Variants in USP34 observed in about 807,000 individuals in gnomAD.
USP34 encodes ubiquitin specific peptidase 34.
Under a neutral mutation model 460.3 loss-of-function variants are expected in USP34, and 70 were observed. The ratio of observed to expected loss-of-function variants is 0.15; its 90% confidence interval spans 0.13 to 0.19. The LOEUF is 0.19. USP34 is among the 10% of genes least tolerant of loss of function. USP34 has a pLI of 1.00. For synonymous variants in USP34, 1,647 were observed against 1,405.3 expected, an observed-to-expected ratio of 1.17 and a Z score of -3.85; for missense variants, 3,985 against 4,236.2, an observed-to-expected ratio of 0.94 and a Z score of 1.65.
chr2:61,251,095 G>T (rs1036498368), intron 48 of USP34, among the ~76,000 whole-genome samples: 4 of 152,084 alleles, frequency 2.6e-5, no homozygotes, highest in Admixed American at 2.6e-4. Context: ...CCAAGATTGT[G>T]CCACTGCACT....
intron 44 of USP34, among the ~76,000 whole-genome samples, chr2:61,257,803 A>G (rs761756716): frequency 6.6e-6 from 1 of 152,204 alleles, no homozygotes; most frequent in Non-Finnish European, 1.5e-5. Context: ...GCTACTCAGG[A>G]GGCAGAGGTT....
intron 66 of USP34, 63 bp from the exon 67 acceptor site, chr2:61,220,520 CT>C: frequency 4.8e-6 from 7 of 1,456,946 alleles, no homozygotes; most frequent in East Asian, 2.5e-5. Flanking sequence ...CTTTTACTTA[CT>C]TTTTGTATAT....
chr2:61,467,064 G>C (rs1371034589), intron 1 of USP34, among the ~76,000 whole-genome samples: 1 of 152,032 alleles, frequency 6.6e-6, no homozygotes, highest in Non-Finnish European at 1.5e-5. Flanking sequence ...CTAGCATTTT[G>C]GGAGACGGAA....
At chr2:61,375,014 A>C (rs1692749480) in intron 8 of USP34, among the ~76,000 whole-genome samples, 1 of 152,216 alleles carries the variant, frequency 6.6e-6, no homozygotes, top group African/African-American at 2.4e-5. Context: ...CAGAATGTAC[A>C]GTCTTCTTAG....
chr2:61,245,883 G>A (rs1190343221), intron 50 of USP34, among the ~76,000 whole-genome samples: 4 of 152,148 alleles, frequency 2.6e-5, no homozygotes, highest in African/African-American at 9.7e-5. Flanking sequence ...AGGTACTGGG[G>A]ACTGGTTTAA....
At chr2:61,221,435 G>T in intron 66 of USP34, 67 bp downstream of exon 66, 1 of 1,389,906 alleles carries the variant, frequency 7.2e-7, no homozygotes. Flanking sequence ...TAAAATGGTA[G>T]TGACTATATT....
chr2:61,440,988 C>T (rs1694948790), intron 1 of USP34, among the ~76,000 whole-genome samples: 2 of 151,632 alleles, frequency 1.3e-5, no homozygotes, highest in Non-Finnish European at 2.9e-5. Context: ...ATTAGCTGGG[C>T]GTGATGGCAG....
At position 61,231,266 on chromosome 2, in the gene USP34, T is replaced by C. The variant is rs80233029; in HGVS notation, c.7113+1186A>G. Among the ~76,000 whole-genome samples the C allele has an allele frequency of 5.9e-3, 892 of 152,064 alleles. 2 individuals carry two copies. The highest frequency in any genetic ancestry group is 9.8e-3 in the Non-Finnish European group (666 of 67,968). On this transcript the variant is annotated intron_variant, in intron 58 of 79. Transcript: ENST00000398571. Reference sequence around the variant, plus strand: ...GAGGACAGGATGAAATAGGAACTGATTGCTAATGGGTATAGGGTTTTTTTT... The same window carrying C: ...GAGGACAGGATGAAATAGGAACTGACTGCTAATGGGTATAGGGTTTTTTTT...
intron 10 of USP34, among the ~76,000 whole-genome samples, chr2:61,363,384 T>A (rs1692330535): frequency 6.6e-6 from 1 of 152,164 alleles, no homozygotes; most frequent in Non-Finnish European, 1.5e-5. Context: ...GGCTTCAGGA[T>A]AGGGATACGT....
chr2:61,219,105 T>A (rs920932168), intron 67 of USP34, among the ~76,000 whole-genome samples: 1 of 152,268 alleles, frequency 6.6e-6, no homozygotes, highest in Admixed American at 6.5e-5. Flanking sequence ...CTACTAAGTA[T>A]GGACTCATGA....
chr2:61,463,834 CAAAA>C (rs532688800), intron 1 of USP34, among the ~76,000 whole-genome samples: 2 of 120,720 alleles, frequency 1.7e-5, no homozygotes, highest in African/African-American at 6.0e-5. Flanking sequence ...AATTCCTTTT[CAAAA>C]AAAAAAAAAA....
chr2:61,310,727 T>C (rs1690565892), intron 27 of USP34, among the ~76,000 whole-genome samples: 1 of 151,576 alleles, frequency 6.6e-6, no homozygotes, highest in Non-Finnish European at 1.5e-5. Flanking sequence ...TAAGATACTT[T>C]TGGTAGGCAA....
At chr2:61,300,257 C>T (rs756796165) in intron 29 of USP34, among the ~76,000 whole-genome samples, 8 of 152,034 alleles carry the variant, frequency 5.3e-5, no homozygotes, top group African/African-American at 1.2e-4. Context: ...TACATTATTT[C>T]GCTCTGCCTA....
chr2:61,188,454 A>G lies in USP34; in HGVS notation c.10289T>C (p.Ile3430Thr), dbSNP rs370358517. The change falls in exon 80 of 80, where the codon ATC (isoleucine) becomes ACC (threonine). Residue 3430 changes from isoleucine (I) to threonine (T), a missense_variant. Physicochemically the swap from Ile to Thr is moderately conservative, Grantham distance 89. Around this residue, in one of 14 missense-constraint regions of USP34, gnomAD observed 506 missense variants for 439.0 expected, o/e 1.15. Transcript: ENST00000398571. ...PSSFSEDMSN[I>T]RSQHAEEQSN... ...CTGTTCTTCTGCATGCTGTGACCTG[A>G]TATTTGACATGTCTTCTGAAAACGA... The G allele has an allele frequency of 1.9e-5, 30 of 1,614,066 alleles. 1 individual carries two copies. The highest frequency in any genetic ancestry group is 4.0e-5 in the African/African-American group (3 of 74,918).
In USP34 at chr2:61,301,482, A is replaced by G. The variant is rs114364163; in HGVS notation, c.3818-28T>C. On this transcript the variant is annotated intron_variant, in intron 27 of 79. Coordinates refer to ENST00000398571, the MANE Select transcript of USP34 (RefSeq NM_014709.4). ...TAAAAACAGCAAAACATGGAAATGAATTTGTTTTTAAGAATTAACTTACTT... is the reference window on the plus strand; with the variant it reads ...TAAAAACAGCAAAACATGGAAATGAGTTTGTTTTTAAGAATTAACTTACTT... The G allele has an allele frequency of 1.1e-3, 1,778 of 1,591,290 alleles. 19 individuals carry two copies. In the African/African-American group the frequency reaches 0.022, roughly 19 times the overall value.
intron 5 of USP34, among the ~76,000 whole-genome samples, chr2:61,387,567 CACACATATATAAAATATATATATTTAT>C (rs1693189833): frequency 5.5e-5 from 8 of 145,008 alleles, no homozygotes; most frequent in South Asian, 2.1e-4. Context: ...TTTATATATA[CACACATATATAAAATATATATATTTAT>C]ATATACACAC....
At chr2:61,416,427 T>C (rs957201837) in intron 2 of USP34, among the ~76,000 whole-genome samples, 15 of 152,172 alleles carry the variant, frequency 9.9e-5, no homozygotes, top group Non-Finnish European at 1.8e-4. Context: ...AGTTCTTATA[T>C]AGAAGAAATT....
Position 61,441,343 on chromosome 2 carries a change from T to A in USP34, c.44-20510A>T, listed in dbSNP as rs193112330. ...TAAAGTCACCCAGGCAGGTTAAACC[T>A]CTTATACTTTCTGCGCCCCACCTCC... On this transcript the variant is annotated intron_variant, in intron 1 of 79. Transcript: ENST00000398571. Among the ~76,000 whole-genome samples, 420 of 151,934 alleles carry A rather than the reference T, an allele frequency of 2.8e-3. 1 individual carries two copies. Among genetic ancestry groups the A allele is most frequent in the African/African-American group, 9.4e-3 (391 of 41,450 alleles).
At position 61,343,266 on chromosome 2, in the gene USP34, C is replaced by G. The variant is rs149863306; in HGVS notation, c.2500+549G>C. ...CTTTACTCATTAATTCCCTACTACT[C>G]TTTACCTTCCTCCATCCTCCATTCT... On this transcript the variant is annotated intron_variant, in intron 16 of 79. Coordinates refer to ENST00000398571, the MANE Select transcript of USP34 (RefSeq NM_014709.4). 2.7e-3 allele frequency among the ~76,000 whole-genome samples: 405 copies of G among 152,284 alleles called. 1 individual carries two copies. Among genetic ancestry groups the G allele is most frequent in the Non-Finnish European group, 4.6e-3 (312 of 68,030 alleles).
Sources: allele counts gnomAD v4.1 joint callset (sites outside exome capture counted in the v4.1 genomes callset), GRCh38; gene constraint gnomAD v4.1.1; regional missense constraint gnomAD v4.1.1; transcripts MANE v1.5; gene names NCBI Gene and HGNC (gene_info 2026-07-23, HGNC 2026-07-21).